RBFOX1: variants seen among roughly 807,000 people sequenced by gnomAD.
RBFOX1 encodes RNA binding protein fox-1 homolog 1.
In RBFOX1, 8 loss-of-function variants were observed where a neutral mutation model predicts 57.7. The ratio of observed to expected loss-of-function variants is 0.14; its 90% CI spans 0.08 to 0.25. RBFOX1 has a LOEUF of 0.25. RBFOX1 is among the 10% of genes least tolerant of loss of function. The probability of loss-of-function intolerance (pLI) is 1.00; values close to 1 mark genes in which losing one functional copy is unlikely to be tolerated. For synonymous variants in RBFOX1, 326 were observed against 222.4 expected, an observed-to-expected ratio of 1.47 and a Z score of -4.15; for missense variants, 611 against 548.5, an observed-to-expected ratio of 1.11 and a Z score of -1.14.
intron 3 of RBFOX1, among the ~76,000 whole-genome samples, chr16:5,782,920 T>C (rs1476926087): frequency 6.6e-6 from 1 of 152,140 alleles, no homozygotes; most frequent in African/African-American, 2.4e-5. Flanking sequence ...CCTCTGCCTT[T>C]TGTTCTATGT....
At chr16:5,506,074 G>A (rs142919245) in intron 2 of RBFOX1, among the ~76,000 whole-genome samples, 2 of 152,114 alleles carry the variant, frequency 1.3e-5, no homozygotes, top group African/African-American at 4.8e-5. Context: ...CAGAAATGAG[G>A]AGCCCTTCCC....
intron 4 of RBFOX1, among the ~76,000 whole-genome samples, chr16:7,200,367 G>A (rs547720097): frequency 2.0e-5 from 3 of 152,324 alleles, no homozygotes; most frequent in South Asian, 2.1e-4. Context: ...CAGGAAGCAC[G>A]CATGTGCATC....
intron 3 of RBFOX1, among the ~76,000 whole-genome samples, chr16:7,024,446 C>G (rs1322906917): frequency 6.6e-6 from 1 of 152,136 alleles, no homozygotes; most frequent in Non-Finnish European, 1.5e-5. Flanking sequence ...CATAATCTAC[C>G]ATGAATTTAT....
intron 2 of RBFOX1, among the ~76,000 whole-genome samples, chr16:6,633,259 G>T (rs1258980930): frequency 6.6e-6 from 1 of 151,992 alleles, no homozygotes; most frequent in Non-Finnish European, 1.5e-5. Flanking sequence ...TGCACAGAAA[G>T]TGTTCTTGAG....
chr16:5,904,809 C>G (rs528680139), intron 4 of RBFOX1, among the ~76,000 whole-genome samples: 3 of 151,524 alleles, frequency 2.0e-5, no homozygotes, highest in South Asian at 2.1e-4. Context: ...AACCCTGTCT[C>G]TACTAAAAAT....
chr16:6,638,086 CTG>C (rs2098459633), intron 2 of RBFOX1, among the ~76,000 whole-genome samples: 1 of 152,082 alleles, frequency 6.6e-6, no homozygotes, highest in African/African-American at 2.4e-5. Context: ...AACAAAATAT[CTG>C]TGTCATATGA....
At chr16:6,690,010 A>C (rs2059981643) in intron 3 of RBFOX1, among the ~76,000 whole-genome samples, 1 of 152,216 alleles carries the variant, frequency 6.6e-6, no homozygotes, top group Non-Finnish European at 1.5e-5. Flanking sequence ...ATTGATGATA[A>C]ACAAGTTAAT....
chr16:6,411,437 T>C (rs1279258725), intron 2 of RBFOX1, among the ~76,000 whole-genome samples: 3 of 152,260 alleles, frequency 2.0e-5, no homozygotes, highest in Non-Finnish European at 4.4e-5. Flanking sequence ...ATTCTTCATC[T>C]ATCTTCCAAT....
At chr16:6,817,466 G>A (rs1394749316) in intron 3 of RBFOX1, among the ~76,000 whole-genome samples, 1 of 151,096 alleles carries the variant, frequency 6.6e-6, no homozygotes, top group Non-Finnish European at 1.5e-5. Flanking sequence ...GGCAGAGGCA[G>A]GCAGATTGGT....
intron 2 of RBFOX1, among the ~76,000 whole-genome samples, chr16:5,534,956 G>C (rs764465336): frequency 6.6e-6 from 1 of 152,168 alleles, no homozygotes; most frequent in Non-Finnish European, 1.5e-5. Flanking sequence ...CATTCATTCA[G>C]AAAATATTTC....
intron 3 of RBFOX1, among the ~76,000 whole-genome samples, chr16:6,679,027 G>C (rs1239775223): frequency 6.6e-6 from 1 of 152,090 alleles, no homozygotes; most frequent in East Asian, 1.9e-4. Flanking sequence ...GATCGACTCT[G>C]CGTGTTGCTA....
intron 3 of RBFOX1, among the ~76,000 whole-genome samples, chr16:7,030,299 A>G (rs189626596): frequency 1.3e-5 from 2 of 152,198 alleles, no homozygotes; most frequent in Non-Finnish European, 2.9e-5. Flanking sequence ...CCCATTTTAC[A>G]GATGAGGAAA....
intron 1 of RBFOX1, among the ~76,000 whole-genome samples, chr16:5,466,414 C>T (rs906009479): frequency 1.3e-5 from 2 of 151,900 alleles, no homozygotes; most frequent in South Asian, 2.1e-4. Context: ...CCTGACCCAA[C>T]GGAGGTGCTT....
At chr16:5,455,729 C>T (rs1220078507) in intron 1 of RBFOX1, among the ~76,000 whole-genome samples, 1 of 152,080 alleles carries the variant, frequency 6.6e-6, no homozygotes, top group East Asian at 1.9e-4. Flanking sequence ...TTCTCTTTGC[C>T]CATTCTCCTA....
At chr16:6,617,918 A>G (rs1478863043) in intron 2 of RBFOX1, among the ~76,000 whole-genome samples, 2 of 152,140 alleles carry the variant, frequency 1.3e-5, no homozygotes, top group Admixed American at 1.3e-4. Context: ...AACAGCAAAA[A>G]CAAAACTTTT....
rs57556084 is a variant in RBFOX1 at position 6,925,109 on chromosome 16, GTTTTTTTTTTTTTTTTTTTTTT to G, written c.-15-126927_-15-126906del. Among the ~76,000 whole-genome samples, 35 of 45,242 alleles carry G rather than the reference GTTTTTTTTTTTTTTTTTTTTTT, an allele frequency of 7.7e-4. No homozygotes were observed. In the East Asian group the frequency reaches 0.01, roughly 13 times the overall value. The allele number at this position is 45,242 out of a possible 152,430, so 29.7% of individuals were successfully genotyped here. A position where few individuals can be genotyped will look rare whatever the true frequency, so the allele number is the denominator to read the frequency against. Reference sequence around the variant, plus strand: ...TCGTTGTTGGACATCTAGGTTGTTGGTTTTTTTTTTTTTTTTTTTTTTTTTTTTTTTTTTTTTTTTTTGAGAT... The same window carrying G: ...TCGTTGTTGGACATCTAGGTTGTTGGTTTTTTTTTTTTTTTTTTTTGAGAT... On this transcript the variant is annotated intron_variant, in intron 3 of 15. Transcript: ENST00000550418.
chr16:7,692,807 C>T (rs1028968397), intron 14 of RBFOX1, among the ~76,000 whole-genome samples: 5 of 151,980 alleles, frequency 3.3e-5, no homozygotes, highest in Admixed American at 6.6e-5. Context: ...CTCTATGTAG[C>T]AAGCTGGGTT....
chr16:7,093,733 C>T (rs2061245141), intron 4 of RBFOX1, among the ~76,000 whole-genome samples: 1 of 152,158 alleles, frequency 6.6e-6, no homozygotes, highest in East Asian at 1.9e-4. Context: ...CTATTTTCCG[C>T]TTGAGCACCC....
At chr16:5,355,440 G>A (rs1159071398) in intron 1 of RBFOX1, among the ~76,000 whole-genome samples, 1 of 152,182 alleles carries the variant, frequency 6.6e-6, no homozygotes, top group Non-Finnish European at 1.5e-5. Flanking sequence ...GATGTAAGGT[G>A]TCAAGGTCAA....
Sources: allele counts gnomAD v4.1 joint callset (sites outside exome capture counted in the v4.1 genomes callset), GRCh38; gene constraint gnomAD v4.1.1; transcripts MANE v1.5; gene names NCBI Gene and HGNC (gene_info 2026-07-23, HGNC 2026-07-21).